Variants in ST3GAL2 observed in about 807,000 individuals in gnomAD.
The protein encoded by ST3GAL2 is ST3 beta-galactoside alpha-2,3-sialyltransferase 2, also known as CMP-N-acetylneuraminate-beta-galactosamide-alpha-2,3-sialyltransferase 2.
In ST3GAL2, 16 loss-of-function variants were observed where a neutral mutation model predicts 37.5. That is an observed-to-expected ratio of 0.43 (90% confidence interval 0.29 to 0.65). The LOEUF (loss-of-function observed/expected upper bound fraction) is 0.65. ST3GAL2 is among the 30% of genes least tolerant of loss of function. ST3GAL2 has a pLI of 0.17. For synonymous variants in ST3GAL2, 238 were observed against 202.9 expected (o/e 1.17, Z -1.47); for missense variants, 383 against 487.8 (o/e 0.79, Z 2.02).
intron 1 of ST3GAL2, among the ~76,000 whole-genome samples, chr16:70,403,076 T>A (rs1450441634): frequency 6.6e-6 from 1 of 152,232 alleles, no homozygotes; most frequent in Non-Finnish European, 1.5e-5. Flanking sequence ...ATTAAAGCAC[T>A]ACTCTGGCTG....
chr16:70,426,338 T>C (rs1350248909), intron 1 of ST3GAL2, among the ~76,000 whole-genome samples: 2 of 125,472 alleles, frequency 1.6e-5, no homozygotes, highest in South Asian at 5.1e-4. Flanking sequence ...GGACCACAGG[T>C]GAGGTGAATG....
chr16:70,388,347 C>T lies in ST3GAL2; in HGVS notation c.713+20G>A. ...ATGGTCCTGTCACCCATATTCTACC[C>T]AGGCCAGCAAGAAGCTCACAATCGG... On this transcript the variant is annotated intron_variant, in intron 4 of 6. Transcript: ENST00000342907. 6.2e-7 allele frequency: 1 copy of T among 1,613,898 alleles called. No homozygotes were observed. The highest frequency in any genetic ancestry group is 8.5e-7 in the Non-Finnish European group (1 of 1,179,930).
intron 1 of ST3GAL2, among the ~76,000 whole-genome samples, chr16:70,432,732 G>A (rs1156570959): frequency 2.6e-5 from 4 of 152,182 alleles, no homozygotes; most frequent in Non-Finnish European, 5.9e-5. Flanking sequence ...TCATTAACAA[G>A]CACTCTGAGC....
rs1436685086 is a variant in ST3GAL2, at chr16:70,376,749, T to C, written c.*4940A>G. 7.0e-6 allele frequency: 1 copy of C among 143,276 alleles called. No homozygotes were observed. The highest frequency in any genetic ancestry group is 1.6e-5 in the Non-Finnish European group (1 of 64,032). The allele number at this position is 143,276 out of a possible 1,614,324, so 8.9% of individuals were successfully genotyped here. ...TGCTGCCTGTGGATGGGTAAAATAC[T>C]TTTTTTTTTTTGAGACGGAGTCTTA... On this transcript the variant is annotated 3_prime_UTR_variant, in exon 7 of 7. Coordinates refer to ENST00000342907, the MANE Select transcript of ST3GAL2 (RefSeq NM_006927.4).
intron 3 of ST3GAL2, among the ~76,000 whole-genome samples, chr16:70,393,086 A>AT (rs11421656): frequency 0.097 from 13,134 of 135,630 alleles, 1,715 homozygotes; most frequent in African/African-American, 0.31. Flanking sequence ...GCATCTATAA[A>AT]TTTTTTTTTT....
chr16:70,396,298 CAA>C (rs35024720), intron 2 of ST3GAL2, among the ~76,000 whole-genome samples: 177 of 129,330 alleles, frequency 1.4e-3, no homozygotes, highest in African/African-American at 4.4e-3. Flanking sequence ...TATTTTTACT[CAA>C]AAAAAAAAAA....
chr16:70,415,813 C>G (rs1048044346), intron 1 of ST3GAL2, among the ~76,000 whole-genome samples: 4 of 137,098 alleles, frequency 2.9e-5, no homozygotes, highest in Admixed American at 1.6e-4. Flanking sequence ...AGTCACCCAG[C>G]CTGGAGTGCA....
rs187058591 is a variant in ST3GAL2 at position 70,416,841 on chromosome 16, G to C, written c.-1003-17308C>G. 5.4e-4 allele frequency among the ~76,000 whole-genome samples: 82 copies of C among 152,214 alleles called. 1 individual carries two copies. The East Asian group carries it at 0.01, about 19-fold the overall frequency. On this transcript the variant is annotated intron_variant, in intron 1 of 6. Transcript: ENST00000342907. ...TGAAGCAGGTGCCTGGACGACGGCA[G>C]GGACAGTGGGAGTGTGCTACTCTTA...
chr16:70,398,170 G>C, intron 2 of ST3GAL2, 22 bp downstream of exon 2: 2 of 1,603,670 alleles, frequency 1.2e-6, no homozygotes, highest in African/African-American at 1.3e-5. Context: ...ACAGATCCCT[G>C]GAAGGGAGCA....
At chr16:70,426,198 T>G (rs915635948) in intron 1 of ST3GAL2, among the ~76,000 whole-genome samples, 29 of 141,296 alleles carry the variant, frequency 2.1e-4, no homozygotes, top group Admixed American at 1.1e-3. Flanking sequence ...TTTTTTTTTT[T>G]TTTTTTTGTT....
chr16:70,399,377 G>A lies in ST3GAL2; in HGVS notation c.-847C>T. Reference sequence around the variant, plus strand: ...TCTGGGTCAGGCGAGCTTGTGCTGAGCTCCCTACCAGGGTCCAGGTCTCCT... The same window carrying A: ...TCTGGGTCAGGCGAGCTTGTGCTGAACTCCCTACCAGGGTCCAGGTCTCCT... On this transcript the variant is annotated 5_prime_UTR_variant, in exon 2 of 7. Transcript: ENST00000342907. 2.5e-6 allele frequency: 1 copy of A among 398,738 alleles called. No homozygotes were observed. Among genetic ancestry groups the A allele is most frequent in the Non-Finnish European group, 4.4e-6 (1 of 226,204 alleles). 24.7% of individuals were successfully genotyped at this position (398,738 alleles called of 1,614,324 possible).
At position 70,395,011 on chromosome 16, in the gene ST3GAL2, C is replaced by T. The variant is rs567340792; in HGVS notation, c.504G>A (p.Gln168=). The T allele has an allele frequency of 3.7e-6, 6 of 1,613,848 alleles. No individual in the cohort carries two copies. In the East Asian group the frequency reaches 6.7e-5, roughly 18 times the overall value. ...SGNLRGSGYG[Q]DVDGHNFIMR... ...TGATGAAGTTGTGCCCGTCCACGTC[C>T]TGCCCATAGCCAGAGCCCCGCAGGT... The change falls in exon 3 of 7, where the codon CAG becomes CAA. Residue 168 remains glutamine (Q), a synonymous_variant. Transcript: ENST00000342907.
chr16:70,381,606 G>A lies in ST3GAL2; in HGVS notation c.*83C>T. 2.6e-6 allele frequency: 4 copies of A among 1,512,260 alleles called. No homozygotes were observed. The highest frequency in any genetic ancestry group is 2.5e-5 in the South Asian group (2 of 80,820). The allele number at this position is 1,512,260 out of a possible 1,614,324, so 93.7% of individuals were successfully genotyped here. A position where few individuals can be genotyped will look rare whatever the true frequency, so the allele number is the denominator to read the frequency against. ...GACGCCCCTGGGCTGCAGCATGATT[G>A]GTCGCGGGTTGCTGGTCCTGGGTCC... On this transcript the variant is annotated 3_prime_UTR_variant, in exon 7 of 7. Transcript: ENST00000342907.
At chr16:70,432,976 G>A (rs1232117974) in intron 1 of ST3GAL2, among the ~76,000 whole-genome samples, 3 of 152,206 alleles carry the variant, frequency 2.0e-5, no homozygotes, top group Non-Finnish European at 4.4e-5. Flanking sequence ...CGGCCCCACC[G>A]CCTCAGGGCA....
At chr16:70,399,725 A>T in intron 1 of ST3GAL2, 192 bp from the exon 2 acceptor site, 1 of 330,812 alleles carries the variant, frequency 3.0e-6, no homozygotes, top group Admixed American at 4.9e-5. Context: ...GGCCTGGAGG[A>T]CTAGATTAGC....
Position 70,417,810 on chromosome 16 carries a change from G to A in ST3GAL2, c.-1003-18277C>T, listed in dbSNP as rs550994207. Among the ~76,000 whole-genome samples the A allele has an allele frequency of 7.2e-5, 11 of 152,032 alleles. No homozygotes were observed. In the East Asian group the frequency reaches 1.9e-3, roughly 27 times the overall value. On this transcript the variant is annotated intron_variant, in intron 1 of 6. Transcript: ENST00000342907. ...TGGAGTGTATGGGGTGGCATGGCGT[G>A]GCTGGGGGGGCGGGGGGAATGTTAG...
intron 1 of ST3GAL2, chr16:70,400,815 G>C (rs1184784933): frequency 2.0e-5 from 3 of 152,276 alleles, no homozygotes; most frequent in Admixed American, 1.3e-4. Context: ...ATGTGGAGTT[G>C]GCTTCTCAGG....
intron 1 of ST3GAL2, among the ~76,000 whole-genome samples, chr16:70,411,384 TAAAAA>T (rs61364237): frequency 1.5e-5 from 2 of 130,312 alleles, no homozygotes; most frequent in African/African-American, 5.5e-5. Flanking sequence ...CAATAAAAAA[TAAAAA>T]AAAAAAAAGC....
chr16:70,424,334 G>A (rs1360298131), intron 1 of ST3GAL2, among the ~76,000 whole-genome samples: 3 of 148,510 alleles, frequency 2.0e-5, no homozygotes, highest in Non-Finnish European at 3.0e-5. Context: ...GGGCACAATG[G>A]CTAATGCCTA....
Sources: gnomAD v4.1 joint callset for allele counts (sites outside exome capture counted in the v4.1 genomes callset) on GRCh38, gnomAD v4.1.1 for gene constraint, MANE v1.5 for transcripts, NCBI Gene and HGNC (gene_info 2026-07-23, HGNC 2026-07-21) for gene names.